Variants in NKAIN2 observed in about 807,000 individuals in gnomAD.
NKAIN2 encodes sodium/potassium transporting ATPase interacting 2.
Under a neutral mutation model 32.6 loss-of-function variants are expected in NKAIN2, and 14 were observed. The ratio of observed to expected loss-of-function variants is 0.43; its 90% confidence interval spans 0.28 to 0.67. NKAIN2 has a LOEUF of 0.67. NKAIN2 is among the 30% of genes least tolerant of loss of function. The pLI, the probability that NKAIN2 is intolerant of heterozygous loss-of-function variation, is 0.17. For missense variants in NKAIN2, 198 were observed against 258.3 expected, an observed-to-expected ratio of 0.77 and a Z score of 1.60; for synonymous variants, 80 against 87.2, an observed-to-expected ratio of 0.92 and a Z score of 0.46.
intron 4 of NKAIN2, among the ~76,000 whole-genome samples, chr6:124,687,208 A>ATG (rs1290472662): frequency 6.8e-6 from 1 of 146,602 alleles, no homozygotes; most frequent in Non-Finnish European, 1.5e-5. Context: ...GAATGTATAT[A>ATG]TGTGTATATA....
chr6:123,892,864 G>C (rs901616921), intron 1 of NKAIN2, among the ~76,000 whole-genome samples: 1 of 151,562 alleles, frequency 6.6e-6, no homozygotes. Context: ...GTGAAGGTCA[G>C]ATGCCATATA....
intron 1 of NKAIN2, among the ~76,000 whole-genome samples, chr6:123,976,404 T>TTCCC (rs371749804): frequency 1.8e-5 from 1 of 54,234 alleles, no homozygotes; most frequent in Non-Finnish European, 3.6e-5. Context: ...TATATATATA[T>TTCCC]ATATATATAT....
chr6:124,013,038 A>G (rs1231152883), intron 1 of NKAIN2, among the ~76,000 whole-genome samples: 3 of 152,204 alleles, frequency 2.0e-5, no homozygotes, highest in African/African-American at 7.2e-5. Context: ...ATAGGTATTA[A>G]TAGGTACCTT....
chr6:123,830,856 A>G (rs1055567888), intron 1 of NKAIN2, among the ~76,000 whole-genome samples: 2 of 152,206 alleles, frequency 1.3e-5, no homozygotes, highest in South Asian at 4.1e-4. Context: ...GAATGAATCA[A>G]TCAGTGACTG....
At chr6:124,632,323 T>G (rs1470243887) in intron 3 of NKAIN2, among the ~76,000 whole-genome samples, 1 of 152,058 alleles carries the variant, frequency 6.6e-6, no homozygotes, top group Non-Finnish European at 1.5e-5. Context: ...AGGAAGGAAG[T>G]GTATATTTTA....
chr6:123,927,246 G>A (rs1032386577), intron 1 of NKAIN2, among the ~76,000 whole-genome samples: 4 of 152,150 alleles, frequency 2.6e-5, no homozygotes, highest in Non-Finnish European at 5.9e-5. Context: ...TGGAAGCAAA[G>A]TAGAATCTTT....
chr6:124,052,153 C>G (rs901561192), intron 1 of NKAIN2, among the ~76,000 whole-genome samples: 9 of 152,034 alleles, frequency 5.9e-5, no homozygotes, highest in Admixed American at 1.3e-4. Context: ...CAGAACAACA[C>G]TGTGAAGTAG....
intron 2 of NKAIN2, among the ~76,000 whole-genome samples, chr6:124,325,569 A>G (rs947865272): frequency 1.3e-5 from 2 of 152,160 alleles, no homozygotes; most frequent in African/African-American, 4.8e-5. Flanking sequence ...AATAAAAGAC[A>G]ATAAGCTACT....
intron 3 of NKAIN2, among the ~76,000 whole-genome samples, chr6:124,601,243 A>G (rs749776645): frequency 2.6e-5 from 4 of 152,044 alleles, no homozygotes; most frequent in African/African-American, 7.2e-5. Flanking sequence ...ATTAAAGCCA[A>G]TGGGAGTTGT....
At chr6:123,813,022 G>A (rs993526814) in intron 1 of NKAIN2, among the ~76,000 whole-genome samples, 2 of 152,196 alleles carry the variant, frequency 1.3e-5, no homozygotes, top group East Asian at 1.9e-4. Flanking sequence ...TGAACTGTTC[G>A]GTGGTAGGGA....
intron 3 of NKAIN2, among the ~76,000 whole-genome samples, chr6:124,571,185 AT>A (rs1467586309): frequency 2.6e-5 from 4 of 152,028 alleles, no homozygotes; most frequent in Admixed American, 2.0e-4. Flanking sequence ...ATTGCTTTTG[AT>A]TTTACAGGTT....
intron 5 of NKAIN2, among the ~76,000 whole-genome samples, chr6:124,805,092 C>G (rs989185814): frequency 1.4e-5 from 2 of 145,776 alleles, no homozygotes; most frequent in Non-Finnish European, 3.1e-5. Context: ...CAGCAGTAAC[C>G]TCTGCAGACT....
chr6:124,286,221 A>G (rs1402629188), intron 2 of NKAIN2, among the ~76,000 whole-genome samples: 1 of 152,144 alleles, frequency 6.6e-6, no homozygotes, highest in Non-Finnish European at 1.5e-5. Flanking sequence ...TTAAAAATTA[A>G]CATGACTATT....
chr6:124,805,064 A>G (rs1780467170), intron 5 of NKAIN2, among the ~76,000 whole-genome samples: 1 of 152,226 alleles, frequency 6.6e-6, no homozygotes, highest in African/African-American at 2.4e-5. Flanking sequence ...CTCTGGGGGC[A>G]GGGCACAGAC....
chr6:124,464,388 T>A (rs1487865438), intron 3 of NKAIN2, among the ~76,000 whole-genome samples: 1 of 151,956 alleles, frequency 6.6e-6, no homozygotes, highest in African/African-American at 2.4e-5. Context: ...TTATTGCCAT[T>A]TTTTTTACTT....
intron 3 of NKAIN2, among the ~76,000 whole-genome samples, chr6:124,508,090 C>G (rs1348131179): frequency 7.5e-5 from 2 of 26,820 alleles, no homozygotes; most frequent in Admixed American, 6.5e-4. Flanking sequence ...CCATCTGTAC[C>G]AAAAGAAAAA....
At chr6:124,188,574 A>G (rs1384328769) in intron 1 of NKAIN2, among the ~76,000 whole-genome samples, 6 of 152,210 alleles carry the variant, frequency 3.9e-5, no homozygotes, top group Admixed American at 2.0e-4. Context: ...AGATCATCAC[A>G]TGCAAATTAT....
chr6:124,758,612 C>G (rs973833648), intron 4 of NKAIN2, among the ~76,000 whole-genome samples: 3 of 152,184 alleles, frequency 2.0e-5, no homozygotes, highest in African/African-American at 7.2e-5. Flanking sequence ...CAGTTCCCAC[C>G]TGACCCCAGT....
At chr6:123,980,859 C>CT in intron 1 of NKAIN2, among the ~76,000 whole-genome samples, 1 of 150,438 alleles carries the variant, frequency 6.6e-6, no homozygotes, top group African/African-American at 2.4e-5. Flanking sequence ...GTGTTCTATG[C>CT]TTTTTTTCAC....
Sources: allele counts gnomAD v4.1 joint callset (sites outside exome capture counted in the v4.1 genomes callset), GRCh38; gene constraint gnomAD v4.1.1; transcripts MANE v1.5; gene names NCBI Gene and HGNC (gene_info 2026-07-23, HGNC 2026-07-21).